Variants in TBKBP1 observed in about 807,000 individuals in gnomAD.
TBKBP1 encodes TBK1 binding protein 1, also known as TANK-binding kinase 1-binding protein 1.
Under a neutral mutation model 69.9 loss-of-function variants are expected in TBKBP1, and 47 were observed. That is an observed-to-expected ratio of 0.67 (90% CI 0.53 to 0.86). The LOEUF (loss-of-function observed/expected upper bound fraction) is 0.86. Among genes scored for constraint, TBKBP1 ranks in the 40% least tolerant of loss-of-function variants. The pLI is 0.00. For synonymous variants in TBKBP1, 418 were observed against 390.3 expected (o/e 1.07, Z -0.84); for missense variants, 831 against 858.6 (o/e 0.97, Z 0.40).
rs535404323 is a variant in TBKBP1, at chr17:47,709,145, A to G, written c.1412A>G (p.Tyr471Cys). 49 of 1,400,964 alleles carry G rather than the reference A, an allele frequency of 3.5e-5. No homozygotes were observed. In the African/African-American group the frequency reaches 7.0e-4, roughly 20 times the overall value. The allele number at this position is 1,400,964 out of a possible 1,614,324, so 86.8% of individuals were successfully genotyped here. Residue 471 changes from tyrosine (Y) to cysteine (C), a missense_variant, in exon 9 of 10, where the codon TAC becomes TGC. Physicochemically the swap from Tyr to Cys is radical, Grantham distance 194. Coordinates refer to ENST00000578982, the MANE Select transcript of TBKBP1 (RefSeq NM_001394755.1). ...TCTGAGCTGGCGGAGGGCGCGGCCT[A>G]CGCGGGCGCCTCCCCGCCCTGGCTG... is the stretch of plus-strand genomic sequence containing the variant. The part of the protein sequence containing the change: ...SYSELAEGAA[Y>C]AGASPPWLQA...
At position 47,698,505 on chromosome 17, in the gene TBKBP1, G is replaced by T; in HGVS notation, c.454-90G>T. The T allele has an allele frequency of 3.0e-6, 4 of 1,337,762 alleles. No individual in the cohort carries two copies. The South Asian group carries it at 5.9e-5, about 20-fold the overall frequency. The allele number at this position is 1,337,762 out of a possible 1,614,324, so 82.9% of individuals were successfully genotyped here. On this transcript the variant is annotated intron_variant, in intron 4 of 9. Coordinates refer to ENST00000578982, the MANE Select transcript of TBKBP1 (RefSeq NM_001394755.1). ...AGAGTGGGCTTGGGATGTGTGACCT[G>T]GGGCCTCTGCTGTAGTCTGGGGTGA...
At chr17:47,699,017 CACCCAGAGTCCCCCCGCCCCGTCT>C (rs2143275169) in intron 5 of TBKBP1, among the ~76,000 whole-genome samples, 1 of 152,296 alleles carries the variant, frequency 6.6e-6, no homozygotes, top group East Asian at 1.9e-4. Context: ...AGGGCGCCCC[CACCCAGAGTCCCCCCGCCCCGTCT>C]CTGGCTGTGA....
chr17:47,711,990 G>A lies in TBKBP1; in HGVS notation c.*1364G>A, dbSNP rs1360208071. On this transcript the variant is annotated 3_prime_UTR_variant, in exon 10 of 10. Coordinates refer to ENST00000578982, the MANE Select transcript of TBKBP1 (RefSeq NM_001394755.1). Reference sequence around the variant, plus strand: ...AAATGGGGAAGGGGGCCTGGAGAGGGGAGGCAGGGGCCCCTGTGCTCTCTG... The same window carrying A: ...AAATGGGGAAGGGGGCCTGGAGAGGAGAGGCAGGGGCCCCTGTGCTCTCTG... The A allele has an allele frequency of 1.3e-5, 2 of 152,646 alleles. No individual in the cohort carries two copies. Among genetic ancestry groups the A allele is most frequent in the Non-Finnish European group, 2.9e-5 (2 of 68,128 alleles). 9.5% of individuals were successfully genotyped at this position (152,646 alleles called of 1,614,324 possible). A position where few individuals can be genotyped will look rare whatever the true frequency, so the allele number is the denominator to read the frequency against.
intron 5 of TBKBP1, 149 bp from the exon 6 acceptor site, chr17:47,699,171 C>T (rs1381873199): frequency 1.2e-6 from 1 of 862,316 alleles, no homozygotes; most frequent in Non-Finnish European, 1.6e-6. Flanking sequence ...CCCATCTTTC[C>T]TCGCTGCCCT....
chr17:47,704,614 T>C (rs2031635007), intron 7 of TBKBP1, among the ~76,000 whole-genome samples: 1 of 152,160 alleles, frequency 6.6e-6, no homozygotes. Flanking sequence ...TCTGACCACA[T>C]GGACAGCTCT....
chr17:47,699,173 C>A, intron 5 of TBKBP1, 147 bp from the exon 6 acceptor site: 3 of 874,964 alleles, frequency 3.4e-6, no homozygotes, highest in South Asian at 3.0e-5. Flanking sequence ...CATCTTTCCT[C>A]GCTGCCCTTG....
chr17:47,696,349 G>A lies in TBKBP1; in HGVS notation c.225+12G>A. 6.2e-7 allele frequency: 1 copy of A among 1,611,394 alleles called. No individual in the cohort carries two copies. The highest frequency in any genetic ancestry group is 1.7e-5 in the Admixed American group (1 of 59,996). On this transcript the variant is annotated intron_variant, in intron 2 of 9. Coordinates refer to ENST00000578982, the MANE Select transcript of TBKBP1 (RefSeq NM_001394755.1). ...TCTACGAGATCAAGGTCAGAACTTG[G>A]AGAGGAGGGCGCCTGATAGAGTGTA...
At chr17:47,701,916 C>T (rs764996337) in intron 7 of TBKBP1, among the ~76,000 whole-genome samples, 7 of 152,234 alleles carry the variant, frequency 4.6e-5, no homozygotes, top group Non-Finnish European at 8.8e-5. Context: ...GGCTCCTCCC[C>T]TCCTTCCCTG....
chr17:47,696,357 G>A lies in TBKBP1; in HGVS notation c.225+20G>A, dbSNP rs1317616803. On this transcript the variant is annotated intron_variant, in intron 2 of 9. Coordinates refer to ENST00000578982, the MANE Select transcript of TBKBP1 (RefSeq NM_001394755.1). Reference sequence around the variant, plus strand: ...ATCAAGGTCAGAACTTGGAGAGGAGGGCGCCTGATAGAGTGTATGGGATGG... The same window carrying A: ...ATCAAGGTCAGAACTTGGAGAGGAGAGCGCCTGATAGAGTGTATGGGATGG... 1.2e-6 allele frequency: 2 copies of A among 1,609,794 alleles called. No individual in the cohort carries two copies. Among genetic ancestry groups the A allele is most frequent in the Non-Finnish European group, 1.7e-6 (2 of 1,178,802 alleles).
In TBKBP1 at chr17:47,699,363, G is replaced by C; in HGVS notation, c.678G>C (p.Arg226=). ...CACCCAGTGTGAGTGACCTGGAGCG[G>C]CGGCGGCTAGAAGAGGCTTTGGAGG... ...GSTPSVSDLE[R]RRLEEALEAA... The change falls in exon 6 of 10, where the codon CGG becomes CGC. Residue 226 remains arginine, a synonymous_variant. Transcript: ENST00000578982. 6.4e-7 allele frequency: 1 copy of C among 1,553,982 alleles called. No homozygotes were observed. The highest frequency in any genetic ancestry group is 8.7e-7 in the Non-Finnish European group (1 of 1,155,554).
At chr17:47,699,128 C>T (rs970123281) in intron 5 of TBKBP1, among the ~76,000 whole-genome samples, 192 bp from the exon 6 acceptor site, 5 of 152,158 alleles carry the variant, frequency 3.3e-5, no homozygotes, top group Non-Finnish European at 7.3e-5. Context: ...TATTTTTTTC[C>T]TGGCCTCCAG....
At chr17:47,696,498 T>C (rs1183256371) in intron 2 of TBKBP1, among the ~76,000 whole-genome samples, 161 bp downstream of exon 2, 1 of 152,040 alleles carries the variant, frequency 6.6e-6, no homozygotes, top group African/African-American at 2.4e-5. Flanking sequence ...ATGCGAACTG[T>C]CTCCTGTTGG....
intron 1 of TBKBP1, chr17:47,695,665 A>C (rs957490599): frequency 4.5e-5 from 7 of 156,570 alleles, no homozygotes; most frequent in Admixed American, 3.8e-4. Flanking sequence ...CTGGGGTGCC[A>C]GAGGCCCAGG....
rs1167094992 is a variant in TBKBP1, at chr17:47,696,270, A to G, written c.158A>G (p.Glu53Gly). The change falls in exon 2 of 10, where the codon GAA becomes GGA. Residue 53 changes from glutamate (E) to glycine (G), a missense_variant. Physicochemically the swap from Glu to Gly is moderately conservative, Grantham distance 98 (BLOSUM62 -2). Transcript: ENST00000578982. ...ATCACTGCTTACGGAGACATCAAGGAACGGCTGGGGGGCCTGGAGAGGGAG... is the reference window on the plus strand; with the variant it reads ...ATCACTGCTTACGGAGACATCAAGGGACGGCTGGGGGGCCTGGAGAGGGAG... ...ALITAYGDIKERLGGLERENA... is the reference protein window; with the variant it reads ...ALITAYGDIKGRLGGLERENA... The G allele has an allele frequency of 6.2e-7, 1 of 1,613,504 alleles. No individual in the cohort carries two copies. Among genetic ancestry groups the G allele is most frequent in the African/African-American group, 1.3e-5 (1 of 74,878 alleles).
chr17:47,699,861 T>C (rs2031421514), intron 7 of TBKBP1, among the ~76,000 whole-genome samples, 164 bp downstream of exon 7: 1 of 151,096 alleles, frequency 6.6e-6, no homozygotes, highest in Non-Finnish European at 1.5e-5. Context: ...TCGCTCTTGT[T>C]GCCCAGGCTG....
At chr17:47,706,714 C>A (rs1247003886) in intron 7 of TBKBP1, among the ~76,000 whole-genome samples, 1 of 152,100 alleles carries the variant, frequency 6.6e-6, no homozygotes, top group Non-Finnish European at 1.5e-5. Context: ...TAAGAGACAG[C>A]CAGTGAGCGA....
At chr17:47,700,076 G>C (rs573475002) in intron 7 of TBKBP1, among the ~76,000 whole-genome samples, 2 of 149,610 alleles carry the variant, frequency 1.3e-5, no homozygotes, top group Non-Finnish European at 3.0e-5. Flanking sequence ...CAAGCTCCGC[G>C]TCCTGGTTCA....
intron 2 of TBKBP1, 147 bp downstream of exon 2, chr17:47,696,484 C>A: frequency 8.7e-7 from 1 of 1,148,844 alleles, no homozygotes; most frequent in Non-Finnish European, 1.2e-6. Context: ...CGTGGCTGTT[C>A]CGGATGCGAA....
intron 9 of TBKBP1, among the ~76,000 whole-genome samples, chr17:47,710,166 C>T (rs1434946755): frequency 6.6e-6 from 1 of 152,178 alleles, no homozygotes; most frequent in Non-Finnish European, 1.5e-5. Context: ...TGGGGTTGTA[C>T]CTTGTTTAGG....
Sources: gnomAD v4.1 joint callset for allele counts (sites outside exome capture counted in the v4.1 genomes callset) on GRCh38, gnomAD v4.1.1 for gene constraint, MANE v1.5 for transcripts, NCBI Gene and HGNC (gene_info 2026-07-23, HGNC 2026-07-21) for gene names.